CYP4F3: variants seen among roughly 807,000 people sequenced by gnomAD.
The protein encoded by CYP4F3 is cytochrome P450 family 4 subfamily F member 3.
A neutral mutation model predicts 54.8 loss-of-function variants in CYP4F3; 50 were observed. The ratio of observed to expected loss-of-function variants is 0.91; its 90% CI spans 0.73 to 1.16. The LOEUF (loss-of-function observed/expected upper bound fraction) is 1.16. CYP4F3 is among the 50% of genes most tolerant of loss of function. The pLI, the probability that CYP4F3 is intolerant of heterozygous loss-of-function variation, is 0.00. For synonymous variants in CYP4F3, 244 were observed against 262.6 expected (o/e 0.93, Z 0.69); for missense variants, 715 against 676.2 (o/e 1.06, Z -0.64).
At chr19:15,657,592 G>A (rs1008661614) in intron 9 of CYP4F3, among the ~76,000 whole-genome samples, 4 of 152,130 alleles carry the variant, frequency 2.6e-5, no homozygotes, top group African/African-American at 4.8e-5. Flanking sequence ...CAATATGACT[G>A]CAAATCCTTT....
intron 7 of CYP4F3, 94 bp from the exon 8 acceptor site, chr19:15,652,475 C>T: frequency 1.9e-6 from 3 of 1,557,146 alleles, no homozygotes; most frequent in Non-Finnish European, 2.6e-6. Context: ...GAGGATGAAT[C>T]TTCAGAGACT....
intron 3 of CYP4F3, 63 bp downstream of exon 3, chr19:15,645,926 G>A (rs1245954849): frequency 1.3e-6 from 2 of 1,503,048 alleles, no homozygotes; most frequent in Admixed American, 2.0e-5. Flanking sequence ...CCACAGCTGG[G>A]GTCTCTGTGC....
chr19:15,656,626 T>C (rs139818482), intron 9 of CYP4F3, among the ~76,000 whole-genome samples: 1 of 152,100 alleles, frequency 6.6e-6, no homozygotes, highest in African/African-American at 2.4e-5. Context: ...CATCTATGTA[T>C]CTCTGTATCT....
At chr19:15,650,655 C>CTTCTTTTTCTTTCT (rs1972768639) in intron 7 of CYP4F3, among the ~76,000 whole-genome samples, 1 of 70,258 alleles carries the variant, frequency 1.4e-5, no homozygotes, top group Non-Finnish European at 2.6e-5. Context: ...CCCTCCCTGC[C>CTTCTTTTTCTTTCT]TTCTTTTTCT....
rs1973106852 is a variant in CYP4F3 at position 15,658,803 on chromosome 19, G to C, written c.1391G>C (p.Gly464Ala). The C allele has an allele frequency of 1.2e-6, 2 of 1,613,938 alleles. No individual in the cohort carries two copies. Among genetic ancestry groups the C allele is most frequent in the Non-Finnish European group, 1.7e-6 (2 of 1,180,014 alleles). The change falls in exon 12 of 13, where the codon GGG (glycine) becomes GCG (alanine). Residue 464 changes from glycine to alanine, a missense_variant. Transcript: ENST00000221307. ...CTGGCTTTTATTCCCTTCTCAGCAGGGCCCAGGTAAGAGCGGCCTGTGTTT... is the reference window on the plus strand; with the variant it reads ...CTGGCTTTTATTCCCTTCTCAGCAGCGCCCAGGTAAGAGCGGCCTGTGTTT... ...SPLAFIPFSA[G>A]PRNCIGQAFA... is the part of the protein sequence containing the mutation.
chr19:15,645,796 G>A lies in CYP4F3; in HGVS notation c.276G>A (p.Val92=). ...CTFGDMCCWW[V]GPWHAIVRIF... ...TCGGTGATATGTGCTGCTGGTGGGTGGGGCCCTGGCACGCAATCGTCCGCA... is the reference window on the plus strand; with the variant it reads ...TCGGTGATATGTGCTGCTGGTGGGTAGGGCCCTGGCACGCAATCGTCCGCA... Residue 92 remains valine (V), a synonymous_variant, in exon 3 of 13, where the codon GTG becomes GTA. Transcript: ENST00000221307. 1 of 1,614,142 alleles carries A rather than the reference G, an allele frequency of 6.2e-7. No individual in the cohort carries two copies. The highest frequency in any genetic ancestry group is 8.5e-7 in the Non-Finnish European group (1 of 1,179,976).
chr19:15,662,811 T>G lies in CYP4F3; in HGVS notation c.*3426T>G, dbSNP rs1250987552. 2 of 152,344 alleles carry G rather than the reference T, an allele frequency of 1.3e-5. No individual in the cohort carries two copies. Among genetic ancestry groups the G allele is most frequent in the Admixed American group, 6.5e-5 (1 of 15,306 alleles). 9.4% of individuals were successfully genotyped at this position (152,344 alleles called of 1,614,324 possible). A position where few individuals can be genotyped will look rare whatever the true frequency, so the allele number is the denominator to read the frequency against. On this transcript the variant is annotated 3_prime_UTR_variant, in exon 13 of 13. Transcript: ENST00000221307. ...TTTCTGGTGTACAATGCTAATAAAA[T>G]GGTGCTTTAAAAGATGTGTTCTTCA... is the stretch of plus-strand genomic sequence containing the variant.
At chr19:15,656,694 A>G (rs1232444354) in intron 9 of CYP4F3, among the ~76,000 whole-genome samples, 3 of 150,606 alleles carry the variant, frequency 2.0e-5, no homozygotes, top group Non-Finnish European at 2.9e-5. Context: ...TTATTTATCT[A>G]CCTATTATCT....
chr19:15,649,466 TG>T (rs1467512731), intron 6 of CYP4F3, among the ~76,000 whole-genome samples, 185 bp downstream of exon 6: 3 of 152,142 alleles, frequency 2.0e-5, no homozygotes, highest in African/African-American at 7.2e-5. Flanking sequence ...GGGTTTGAAC[TG>T]GTGGGTGTGG....
chr19:15,649,811 C>T (rs1972733186), intron 6 of CYP4F3, 102 bp from the exon 7 acceptor site: 3 of 1,521,024 alleles, frequency 2.0e-6, no homozygotes, highest in East Asian at 4.5e-5. Context: ...TCCTGGATAC[C>T]CCGTTTACTG....
At position 15,658,550 on chromosome 19, in the gene CYP4F3, C is replaced by A. The variant is rs572605754; in HGVS notation, c.1309C>A (p.Pro437Thr). The A allele has an allele frequency of 1.9e-5, 30 of 1,614,176 alleles. No homozygotes were observed. The highest frequency in any genetic ancestry group is 2.4e-5 in the Non-Finnish European group (28 of 1,180,024). ...THHNPAVWPD[P>T]EVYDPFRFDP... ...TCACAACCCAGCCGTGTGGCCGGACCCTGAGGTGCGGGCCCCCCGTCTCTG... is the reference window on the plus strand; with the variant it reads ...TCACAACCCAGCCGTGTGGCCGGACACTGAGGTGCGGGCCCCCCGTCTCTG... Residue 437 changes from proline (P) to threonine (T), a missense_variant, in exon 11 of 13, where the codon CCT (proline) becomes ACT (threonine). Coordinates refer to ENST00000221307, the MANE Select transcript of CYP4F3 (RefSeq NM_000896.3).
In CYP4F3 at chr19:15,645,798, G is replaced by A. The variant is rs1365081939; in HGVS notation, c.278G>A (p.Gly93Glu). 6.2e-7 allele frequency: 1 copy of A among 1,614,132 alleles called. No individual in the cohort carries two copies. Among genetic ancestry groups the A allele is most frequent in the South Asian group, 1.1e-5 (1 of 91,082 alleles). Residue 93 changes from glycine (G) to glutamate (E), a missense_variant, in exon 3 of 13, where the codon GGG (glycine) becomes GAG (glutamate). Gly to Glu is a moderately conservative substitution (Grantham distance 98). Coordinates refer to ENST00000221307, the MANE Select transcript of CYP4F3 (RefSeq NM_000896.3). ...TFGDMCCWWVGPWHAIVRIFH... is the reference protein window; with the variant it reads ...TFGDMCCWWVEPWHAIVRIFH... ...GGTGATATGTGCTGCTGGTGGGTGG[G>A]GCCCTGGCACGCAATCGTCCGCATC...
intron 2 of CYP4F3, 113 bp from the exon 3 acceptor site, chr19:15,645,606 A>T (rs1972599263): frequency 1.4e-6 from 2 of 1,387,992 alleles, no homozygotes; most frequent in Non-Finnish European, 2.0e-6. Flanking sequence ...ACTGAGAGGG[A>T]GATGAGATGC....
chr19:15,661,465 A>G lies in CYP4F3; in HGVS notation c.*2080A>G, dbSNP rs1223299713. ...GCCTTCCTTATGGGTATGCTGTGGC[A>G]TATCCCTGAGATTTTAATTCGCATT... On this transcript the variant is annotated 3_prime_UTR_variant, in exon 13 of 13. Transcript: ENST00000221307. The G allele has an allele frequency of 6.6e-6, 1 of 152,194 alleles. No individual in the cohort carries two copies. The highest frequency in any genetic ancestry group is 1.5e-5 in the Non-Finnish European group (1 of 68,034). 9.4% of individuals were successfully genotyped at this position (152,194 alleles called of 1,614,324 possible).
rs768475122 is a variant in CYP4F3 at position 15,658,414 on chromosome 19, G to C, written c.1249+17G>C. On this transcript the variant is annotated intron_variant, in intron 10 of 12. Coordinates refer to ENST00000221307, the MANE Select transcript of CYP4F3 (RefSeq NM_000896.3). The stretch of plus-strand genomic sequence containing the variant: ...TCCCCAAAGGTGCCACAGCCTCAGG[G>C]GGAGGAGCCTCCTGGGTAGGAAGAG... 2 of 1,613,732 alleles carry C rather than the reference G, an allele frequency of 1.2e-6. No individual in the cohort carries two copies. The highest frequency in any genetic ancestry group is 2.2e-5 in the South Asian group (2 of 91,046).
intron 7 of CYP4F3, 59 bp downstream of exon 7, chr19:15,650,242 G>C: frequency 6.2e-7 from 1 of 1,614,064 alleles, no homozygotes; most frequent in Non-Finnish European, 8.5e-7. Flanking sequence ...TGAAATGTCA[G>C]ATGAAAGAAT....
chr19:15,643,670 G>A (rs1426490159), intron 2 of CYP4F3, among the ~76,000 whole-genome samples: 1 of 152,148 alleles, frequency 6.6e-6, no homozygotes, highest in Non-Finnish European at 1.5e-5. Context: ...CCACAACAGA[G>A]CAAATTAGCC....
rs1973096857 is a variant in CYP4F3, at chr19:15,658,568, C to CT, written c.1314+13_1314+14insT. On this transcript the variant is annotated intron_variant, in intron 11 of 12. Coordinates refer to ENST00000221307, the MANE Select transcript of CYP4F3 (RefSeq NM_000896.3). ...GCCGGACCCTGAGGTGCGGGCCCCC[C>CT]GTCTCTGTTTTTGTCCATTCCAAGG... The CT allele has an allele frequency of 6.2e-7, 1 of 1,613,874 alleles. No homozygotes were observed. The highest frequency in any genetic ancestry group is 8.5e-7 in the Non-Finnish European group (1 of 1,179,922).
intron 9 of CYP4F3, 26 bp from the exon 10 acceptor site, chr19:15,658,238 G>A (rs1382661589): frequency 6.2e-7 from 1 of 1,612,080 alleles, no homozygotes; most frequent in Admixed American, 1.7e-5. Flanking sequence ...CCCTTGATAA[G>A]GATTGGGGCT....
Sources: allele counts gnomAD v4.1 joint callset (sites outside exome capture counted in the v4.1 genomes callset), GRCh38; gene constraint gnomAD v4.1.1; transcripts MANE v1.5; gene names NCBI Gene and HGNC (gene_info 2026-07-23, HGNC 2026-07-21).